Variants in BUB1B observed in about 807,000 individuals in gnomAD.
The protein encoded by BUB1B is mitotic checkpoint serine/threonine-protein kinase BUB1 beta.
In BUB1B, 86 loss-of-function variants were observed where a neutral mutation model predicts 137.7. The observed-to-expected ratio is 0.62, with a 90% confidence interval of 0.52 to 0.75. BUB1B has a LOEUF of 0.75. BUB1B is among the 30% of genes least tolerant of loss of function. BUB1B has a pLI of 0.00. For synonymous variants in BUB1B, 420 were observed against 417.9 expected (o/e 1.00, Z -0.06); for missense variants, 1,130 against 1,236.9 (o/e 0.91, Z 1.30).
At chr15:40,212,046 G>A (rs771815021) in intron 18 of BUB1B, among the ~76,000 whole-genome samples, 1 of 152,154 alleles carries the variant, frequency 6.6e-6, no homozygotes, top group Non-Finnish European at 1.5e-5. Flanking sequence ...CATTGGTCAG[G>A]CTGGTCTTGA....
intron 4 of BUB1B, among the ~76,000 whole-genome samples, chr15:40,171,789 C>T (rs997409331): frequency 2.6e-5 from 4 of 152,128 alleles, no homozygotes; most frequent in African/African-American, 9.7e-5. Context: ...TCTGCCTCAG[C>T]TGGGCATGGT....
Position 40,165,101 on chromosome 15 carries a change from T to C in BUB1B, c.84T>C (p.Asn28=). 3 of 1,614,110 alleles carry C rather than the reference T, an allele frequency of 1.9e-6. No individual in the cohort carries two copies. The highest frequency in any genetic ancestry group is 1.3e-5 in the African/African-American group (1 of 75,004). The change falls in exon 2 of 23, where the codon AAT becomes AAC. Residue 28 remains asparagine, a synonymous_variant. Coordinates refer to ENST00000287598, the MANE Select transcript of BUB1B (RefSeq NM_001211.6). ...EGDEWELSKE[N]VQPLRQGRIM... ...ATGAATGGGAACTGAGTAAAGAAAA[T>C]GTACAACCTTTAAGGCAAGGGCGGA...
chr15:40,213,612 T>C (rs2037741042), intron 20 of BUB1B, 138 bp downstream of exon 20: 2 of 919,462 alleles, frequency 2.2e-6, no homozygotes, highest in Non-Finnish European at 3.4e-6. Context: ...CTTGGCTCAC[T>C]GCAGCCTCCA....
chr15:40,200,413 A>G (rs912944798), intron 11 of BUB1B, 54 bp downstream of exon 11: 6 of 1,339,022 alleles, frequency 4.5e-6, no homozygotes, highest in East Asian at 2.4e-5. Flanking sequence ...TTTAGAACCA[A>G]CCTTTGACTC....
In BUB1B at chr15:40,185,430, T is replaced by G. The variant is rs1341396800; in HGVS notation, c.966+51T>G. On this transcript the variant is annotated intron_variant, in intron 7 of 22. Coordinates refer to ENST00000287598, the MANE Select transcript of BUB1B (RefSeq NM_001211.6). Reference sequence around the variant, plus strand: ...TGCTGACACAACAAAGACTTCACATTTAGGGTAGAGAAGTATTTTTACCAT... The same window carrying G: ...TGCTGACACAACAAAGACTTCACATGTAGGGTAGAGAAGTATTTTTACCAT... 4 of 1,600,154 alleles carry G rather than the reference T, an allele frequency of 2.5e-6. No individual in the cohort carries two copies. The Admixed American group carries it at 5.0e-5, about 20-fold the overall frequency.
At position 40,217,523 on chromosome 15, in the gene BUB1B, G is replaced by C; in HGVS notation, c.2706G>C (p.Lys902Asn). The change falls in exon 21 of 23, where the codon AAG (lysine) becomes AAC (asparagine). Residue 902 changes from lysine (K) to asparagine (N), a missense_variant. By Grantham distance (94) the Lys-to-Asn change is moderately conservative (BLOSUM62 0). Coordinates refer to ENST00000287598, the MANE Select transcript of BUB1B (RefSeq NM_001211.6). ...TCCACGATCCCTATGATTGTAACAA[G>C]AACAATCAAGCTTTGAAGATAGTGG... ...NRIHDPYDCN[K>N]NNQALKIVDF... The C allele has an allele frequency of 6.2e-7, 1 of 1,613,986 alleles. No homozygotes were observed. Among genetic ancestry groups the C allele is most frequent in the African/African-American group, 1.3e-5 (1 of 74,980 alleles).
intron 8 of BUB1B, among the ~76,000 whole-genome samples, chr15:40,193,962 A>T (rs1378598262): frequency 6.6e-6 from 1 of 151,128 alleles, no homozygotes; most frequent in East Asian, 1.9e-4. Flanking sequence ...GCCTCAAGTG[A>T]TCCTCCTGCC....
rs776542291 is a variant in BUB1B, at chr15:40,220,719, T to C, written c.3113T>C (p.Val1038Ala). 6 of 1,614,018 alleles carry C rather than the reference T, an allele frequency of 3.7e-6. No homozygotes were observed. In the African/African-American group the frequency reaches 6.7e-5, roughly 18 times the overall value. The change falls in exon 23 of 23, where the codon GTA (valine) becomes GCA (alanine). Residue 1038 changes from valine to alanine, a missense_variant. Transcript: ENST00000287598. Reference sequence around the variant, plus strand: ...CACCTGAACAAAGCCTTATGGAAGGTAGGGAAGTTAACTAGTCCTGGGGCT... The same window carrying C: ...CACCTGAACAAAGCCTTATGGAAGGCAGGGAAGTTAACTAGTCCTGGGGCT... Reference protein sequence around the residue: ...QSHLNKALWKVGKLTSPGALL... With the variant: ...QSHLNKALWKAGKLTSPGALL...
At chr15:40,166,583 A>T in intron 2 of BUB1B, 2 of 196,752 alleles carry the variant, frequency 1.0e-5, no homozygotes, top group Non-Finnish European at 1.1e-5. Flanking sequence ...CTTGTGATCC[A>T]CCCGCCTCAG....
intron 15 of BUB1B, 65 bp from the exon 16 acceptor site, chr15:40,208,572 T>A: frequency 6.8e-7 from 1 of 1,465,588 alleles, no homozygotes; most frequent in Non-Finnish European, 9.3e-7. Context: ...TAAGAATTTA[T>A]GAAATTATAA....
In BUB1B at chr15:40,206,157, C is replaced by T. The variant is rs765376331; in HGVS notation, c.1735-27C>T. On this transcript the variant is annotated intron_variant, in intron 14 of 22. Coordinates refer to ENST00000287598, the MANE Select transcript of BUB1B (RefSeq NM_001211.6). ...TTCTTCATGTATTGAAATATTTTAGCTAAACTTTATATGGTCTTTATTTCA... is the reference window on the plus strand; with the variant it reads ...TTCTTCATGTATTGAAATATTTTAGTTAAACTTTATATGGTCTTTATTTCA... 3.7e-6 allele frequency: 6 copies of T among 1,613,128 alleles called. No individual in the cohort carries two copies. The Admixed American group carries it at 1.0e-4, about 27-fold the overall frequency.
intron 1 of BUB1B, among the ~76,000 whole-genome samples, chr15:40,161,884 A>G (rs113581076): frequency 2.0e-5 from 3 of 152,300 alleles, no homozygotes; most frequent in African/African-American, 7.2e-5. Flanking sequence ...GATAAGTGCT[A>G]TGTCATGGGC....
chr15:40,180,137 G>A (rs1203481061), intron 5 of BUB1B, among the ~76,000 whole-genome samples: 1 of 151,134 alleles, frequency 6.6e-6, no homozygotes, highest in Non-Finnish European at 1.5e-5. Flanking sequence ...TTTAGAGCAG[G>A]TCCGTTGTCA....
intron 8 of BUB1B, 47 bp from the exon 9 acceptor site, chr15:40,196,496 ATT>A: frequency 6.8e-7 from 1 of 1,463,506 alleles, no homozygotes; most frequent in Non-Finnish European, 9.5e-7. Flanking sequence ...AATCTTATTG[ATT>A]TTTTTTATTT....
At position 40,185,168 on chromosome 15, in the gene BUB1B, C is replaced by T; in HGVS notation, c.755C>T (p.Pro252Leu). 8.1e-6 allele frequency: 13 copies of T among 1,613,398 alleles called. No individual in the cohort carries two copies. The highest frequency in any genetic ancestry group is 1.1e-5 in the Non-Finnish European group (13 of 1,179,544). Residue 252 changes from proline (P) to leucine (L), a missense_variant, in exon 7 of 23, where the codon CCA becomes CTA. Pro to Leu is a moderately conservative substitution (Grantham distance 98). Coordinates refer to ENST00000287598, the MANE Select transcript of BUB1B (RefSeq NM_001211.6). Reference protein sequence around the residue: ...IIRVGGALKAPSQNRGLQNPF... With the variant: ...IIRVGGALKALSQNRGLQNPF... ...GTTTTAATATTTTTGCTCCTAGCTC[C>T]AAGCCAGAACAGAGGACTCCAAAAT... is the stretch of plus-strand genomic sequence containing the variant.
Position 40,209,643 on chromosome 15 carries a change from AC to A in BUB1B, c.2153del (p.Thr718IlefsTer14), listed in dbSNP as rs1294054951. 6.2e-6 allele frequency: 10 copies of A among 1,614,036 alleles called. No homozygotes were observed. The highest frequency in any genetic ancestry group is 8.5e-6 in the Non-Finnish European group (10 of 1,180,004). ...ELTNETSENP[T>X]QSPWCSQYRR... ...TTCCCTCCCACTGGCAGAAAACCCT[AC>A]TCAGTCACCATGGTGTTCACAGTAT... On this transcript the variant is annotated frameshift_variant, in exon 17 of 23. Transcript: ENST00000287598. LOFTEE classifies it high-confidence loss of function.
intron 19 of BUB1B, 126 bp downstream of exon 19, chr15:40,212,774 G>C: frequency 1.1e-6 from 1 of 892,862 alleles, no homozygotes; most frequent in Non-Finnish European, 1.7e-6. Flanking sequence ...GTATAAGTTA[G>C]AAGCATTGAT....
rs557521971 is a variant in BUB1B, at chr15:40,208,657, G to A, written c.2030G>A (p.Arg677His). ...KKLSPIIEDS[R>H]EATHSSGFSG... ...TTTAGCCCAATTATTGAAGACAGTC[G>A]TGAAGCCACACACTCCTCTGGCTTC... The change falls in exon 16 of 23, where the codon CGT becomes CAT. Residue 677 changes from arginine (R) to histidine (H), a missense_variant. Transcript: ENST00000287598. 29 of 1,613,654 alleles carry A rather than the reference G, an allele frequency of 1.8e-5. No individual in the cohort carries two copies. Among genetic ancestry groups the A allele is most frequent in the South Asian group, 1.1e-4 (10 of 91,050 alleles).
intron 20 of BUB1B, among the ~76,000 whole-genome samples, chr15:40,214,234 G>A (rs972707290): frequency 2.8e-4 from 42 of 152,302 alleles, no homozygotes; most frequent in Non-Finnish European, 4.7e-4. Context: ...CTATGCCAAG[G>A]AATGGGGTTT....
Sources: allele counts gnomAD v4.1 joint callset (sites outside exome capture counted in the v4.1 genomes callset), GRCh38; gene constraint gnomAD v4.1.1; transcripts MANE v1.5; gene names NCBI Gene and HGNC (gene_info 2026-07-23, HGNC 2026-07-21).